The following PAK5 variants were observed in gnomAD, a reference collection of about 807,000 sequenced individuals.
PAK5 encodes the protein p21 (RAC1) activated kinase 5, also known as serine/threonine-protein kinase PAK 5.
PAK5 carries 16 observed loss-of-function variants against 65.9 expected under a neutral mutation model. The observed-to-expected ratio is 0.24, with a 90% confidence interval of 0.16 to 0.37. The LOEUF (loss-of-function observed/expected upper bound fraction) is 0.37, where lower values mean the gene tolerates loss of function less well. Ranked by LOEUF, PAK5 falls within the 10% of genes least tolerant of loss-of-function variation. The pLI, the probability that PAK5 is intolerant of heterozygous loss-of-function variation, is 1.00. For missense variants in PAK5, 785 were observed against 903.9 expected (o/e 0.87, Z 1.69); for synonymous variants, 371 against 354.9 (o/e 1.05, Z -0.51).
intron 1 of PAK5, among the ~76,000 whole-genome samples, chr20:9,752,552 T>C (rs1208615025): frequency 6.6e-6 from 1 of 152,082 alleles, no homozygotes; most frequent in Non-Finnish European, 1.5e-5. Flanking sequence ...TTTGAGGTGG[T>C]ATATATCCTA....
chr20:9,707,238 G>A (rs898103140), intron 2 of PAK5, among the ~76,000 whole-genome samples: 1 of 151,992 alleles, frequency 6.6e-6, no homozygotes, highest in Non-Finnish European at 1.5e-5. Context: ...TCCCACCTCA[G>A]CCTCCAAAGC....
chr20:9,572,516 GA>G (rs1180927631), intron 4 of PAK5, among the ~76,000 whole-genome samples: 1 of 151,944 alleles, frequency 6.6e-6, no homozygotes, highest in African/African-American at 2.4e-5. Context: ...ATACATTCTA[GA>G]AAAAAAATGA....
intron 2 of PAK5, among the ~76,000 whole-genome samples, chr20:9,683,672 T>C (rs1307473988): frequency 6.6e-6 from 1 of 152,154 alleles, no homozygotes; most frequent in East Asian, 1.9e-4. Flanking sequence ...GGAGGAGACA[T>C]AGGCCAGGGT....
intron 1 of PAK5, among the ~76,000 whole-genome samples, chr20:9,835,952 G>A (rs573942507): frequency 6.6e-6 from 1 of 152,286 alleles, no homozygotes; most frequent in East Asian, 1.9e-4. Flanking sequence ...TAGCAAGAAG[G>A]ATGGAAGGCA....
intron 1 of PAK5, among the ~76,000 whole-genome samples, chr20:9,759,641 G>C (rs2048675679): frequency 6.6e-6 from 1 of 152,116 alleles, no homozygotes; most frequent in Admixed American, 6.6e-5. Flanking sequence ...GTTACATCTT[G>C]AGTAGTTGGT....
rs2122867963 is a variant in PAK5, at chr20:9,538,225, T to C, written c.*1237A>G. On this transcript the variant is annotated 3_prime_UTR_variant, in exon 10 of 10. Coordinates refer to ENST00000353224, the MANE Select transcript of PAK5 (RefSeq NM_177990.4). Reference sequence around the variant, plus strand: ...GATCTAGACAGCAGCACGACTCTCCTATGTCGGAAACACATTATAACATGG... The same window carrying C: ...GATCTAGACAGCAGCACGACTCTCCCATGTCGGAAACACATTATAACATGG... The C allele has an allele frequency of 4.3e-6, 1 of 233,632 alleles. No homozygotes were observed. Among genetic ancestry groups the C allele is most frequent in the East Asian group, 6.0e-5 (1 of 16,554 alleles). The allele number at this position is 233,632 out of a possible 1,614,324, so 14.5% of individuals were successfully genotyped here. A position where few individuals can be genotyped will look rare whatever the true frequency, so the allele number is the denominator to read the frequency against.
chr20:9,605,713 G>A (rs556528956), intron 3 of PAK5, among the ~76,000 whole-genome samples: 45 of 152,244 alleles, frequency 3.0e-4, no homozygotes, highest in Admixed American at 6.5e-4. Context: ...CGGATCACTC[G>A]AGACCAGGAG....
intron 3 of PAK5, among the ~76,000 whole-genome samples, chr20:9,591,151 A>G (rs2046163751): frequency 6.6e-6 from 1 of 152,184 alleles, no homozygotes; most frequent in Non-Finnish European, 1.5e-5. Flanking sequence ...TATGACTCCA[A>G]GGTATGGCAT....
chr20:9,741,963 C>T (rs754390136), intron 1 of PAK5, among the ~76,000 whole-genome samples: 4 of 152,088 alleles, frequency 2.6e-5, no homozygotes, highest in African/African-American at 4.8e-5. Flanking sequence ...GGGATCTTGC[C>T]TTTGTGTCCT....
At chr20:9,748,439 A>G (rs1371061973) in intron 1 of PAK5, among the ~76,000 whole-genome samples, 1 of 152,142 alleles carries the variant, frequency 6.6e-6, no homozygotes, top group Non-Finnish European at 1.5e-5. Context: ...TTCAAACTAT[A>G]CTACAAGGCT....
chr20:9,798,894 T>C (rs1258530934), intron 1 of PAK5, among the ~76,000 whole-genome samples: 2 of 152,122 alleles, frequency 1.3e-5, no homozygotes, highest in African/African-American at 2.4e-5. Flanking sequence ...AATATCAGAA[T>C]ACCTGGGTAT....
intron 1 of PAK5, among the ~76,000 whole-genome samples, chr20:9,821,576 G>A (rs528130924): frequency 6.6e-6 from 1 of 151,840 alleles, no homozygotes; most frequent in African/African-American, 2.4e-5. Context: ...TATCCTAAAC[G>A]ACCTCAACTG....
intron 7 of PAK5, among the ~76,000 whole-genome samples, chr20:9,552,356 G>T (rs2045441845): frequency 6.6e-6 from 1 of 152,158 alleles, no homozygotes; most frequent in Non-Finnish European, 1.5e-5. Flanking sequence ...GCCAAGGAAA[G>T]GTCATGATGA....
intron 4 of PAK5, among the ~76,000 whole-genome samples, chr20:9,573,231 A>G (rs1031913576): frequency 4.6e-5 from 7 of 152,220 alleles, no homozygotes; most frequent in African/African-American, 9.6e-5. Flanking sequence ...TCAAAAAAGA[A>G]AAAGAGCAAA....
At chr20:9,586,276 G>T (rs2046068222) in intron 3 of PAK5, among the ~76,000 whole-genome samples, 1 of 152,114 alleles carries the variant, frequency 6.6e-6, no homozygotes, top group Non-Finnish European at 1.5e-5. Context: ...ATCATTCCCT[G>T]TGTGATTCCT....
At chr20:9,694,340 G>GTGTA (rs1035460260) in intron 2 of PAK5, among the ~76,000 whole-genome samples, 1 of 150,384 alleles carries the variant, frequency 6.6e-6, no homozygotes, top group Non-Finnish European at 1.5e-5. Flanking sequence ...GTGTGTGTGT[G>GTGTA]TGTGTATTTT....
intron 1 of PAK5, among the ~76,000 whole-genome samples, chr20:9,780,528 C>T (rs2048930502): frequency 6.6e-6 from 1 of 151,900 alleles, no homozygotes; most frequent in African/African-American, 2.4e-5. Flanking sequence ...TAGGCATATA[C>T]CATCAATATA....
At chr20:9,576,571 A>G (rs910240836) in intron 4 of PAK5, among the ~76,000 whole-genome samples, 1 of 152,208 alleles carries the variant, frequency 6.6e-6, no homozygotes, top group Non-Finnish European at 1.5e-5. Context: ...ACAGAGTGAA[A>G]GGGGATGATG....
chr20:9,825,152 C>A (rs1171176026), intron 1 of PAK5, among the ~76,000 whole-genome samples: 1 of 152,108 alleles, frequency 6.6e-6, no homozygotes, highest in Non-Finnish European at 1.5e-5. Flanking sequence ...ACACCCTGGT[C>A]TTTGTAGAAA....
Sources: gnomAD v4.1 joint callset for allele counts (sites outside exome capture counted in the v4.1 genomes callset) on GRCh38, gnomAD v4.1.1 for gene constraint, MANE v1.5 for transcripts, NCBI Gene and HGNC (gene_info 2026-07-23, HGNC 2026-07-21) for gene names.